Variants in SPINK5 observed in about 807,000 individuals in gnomAD.
The protein encoded by SPINK5 is serine peptidase inhibitor Kazal type 5.
SPINK5 carries 125 observed loss-of-function variants against 151.8 expected under a neutral mutation model. That is an observed-to-expected ratio of 0.82 (90% CI 0.71 to 0.96). The LOEUF (loss-of-function observed/expected upper bound fraction) is 0.96, where lower values mean the gene tolerates loss of function less well. SPINK5 is among the 40% of genes least tolerant of loss of function. The pLI, the probability that SPINK5 is intolerant of heterozygous loss-of-function variation, is 0.00. For missense variants in SPINK5, 1,194 were observed against 1,291.9 expected, an observed-to-expected ratio of 0.92 and a Z score of 1.16; for synonymous variants, 374 against 395.3, an observed-to-expected ratio of 0.95 and a Z score of 0.64.
intron 15 of SPINK5, among the ~76,000 whole-genome samples, chr5:148,103,002 C>T (rs184464062): frequency 7.9e-5 from 12 of 152,052 alleles, no homozygotes; most frequent in Middle Eastern, 3.4e-3. Context: ...ACTAAAAAAA[C>T]CCCCATTTTA....
intron 4 of SPINK5, among the ~76,000 whole-genome samples, chr5:148,075,113 T>C (rs1282699222): frequency 6.6e-6 from 1 of 151,556 alleles, no homozygotes; most frequent in African/African-American, 2.4e-5. Context: ...CAGACTTCAA[T>C]AGTTAAACAC....
chr5:148,120,378 G>A lies in SPINK5; in HGVS notation c.2525G>A (p.Ser842Asn). 6.3e-7 allele frequency: 1 copy of A among 1,599,464 alleles called. No homozygotes were observed. The highest frequency in any genetic ancestry group is 8.5e-7 in the Non-Finnish European group (1 of 1,171,846). The change falls in exon 26 of 33, where the codon AGC becomes AAC. Residue 842 changes from serine (S) to asparagine (N), a missense_variant. Coordinates refer to ENST00000256084, the MANE Select transcript of SPINK5 (RefSeq NM_006846.4). ...GAAAGGAGCAATACAGGAGAAAGGA[G>A]CAATGACAAAGAGGTAATAGATGTT... ...TGERSNTGER[S>N]NDKEDLCREF... is the part of the protein sequence containing the mutation.
Position 148,099,300 on chromosome 5 carries a change from A to G in SPINK5, c.1077A>G (p.Lys359=). 6.2e-7 allele frequency: 1 copy of G among 1,612,466 alleles called. No homozygotes were observed. The highest frequency in any genetic ancestry group is 2.2e-5 in the East Asian group (1 of 44,750). Residue 359 remains lysine, a synonymous_variant, in exon 12 of 33, where the codon AAA becomes AAG. Coordinates refer to ENST00000256084, the MANE Select transcript of SPINK5 (RefSeq NM_006846.4). ...CTAGAAACAAAAGAGAATCTGGAAA[A>G]GCAACCTCATATGCAGTGAGTGGAA... The part of the protein sequence containing the change: ...ARARNKRESG[K]ATSYAELCSE...
At chr5:148,102,433 A>G (rs1753672178) in intron 15 of SPINK5, among the ~76,000 whole-genome samples, 1 of 152,262 alleles carries the variant, frequency 6.6e-6, no homozygotes, top group East Asian at 1.9e-4. Flanking sequence ...CAACTATGTA[A>G]ATTGCTTGAT....
intron 17 of SPINK5, 149 bp from the exon 18 acceptor site, chr5:148,108,603 GT>G (rs1429427078): frequency 8.9e-7 from 1 of 1,122,320 alleles, no homozygotes; most frequent in African/African-American, 1.6e-5. Flanking sequence ...TGTACTATTG[GT>G]TAAAGCAAAA....
In SPINK5 at chr5:148,136,998, G is replaced by C; in HGVS notation, c.*7G>C. Reference sequence around the variant, plus strand: ...TCTCTTCTAGGACGAATGACAGGAAGATTGTTGAAAGCCATGAGGGAAAAA... The same window carrying C: ...TCTCTTCTAGGACGAATGACAGGAACATTGTTGAAAGCCATGAGGGAAAAA... On this transcript the variant is annotated 3_prime_UTR_variant, in exon 33 of 33. Coordinates refer to ENST00000256084, the MANE Select transcript of SPINK5 (RefSeq NM_006846.4). 1 of 1,613,660 alleles carries C rather than the reference G, an allele frequency of 6.2e-7. No homozygotes were observed.
At chr5:148,088,811 C>T (rs1307818876) in intron 6 of SPINK5, among the ~76,000 whole-genome samples, 3 of 146,908 alleles carry the variant, frequency 2.0e-5, no homozygotes, top group Non-Finnish European at 4.5e-5. Flanking sequence ...GTGGTTAGAT[C>T]TTTCAATCTA....
In SPINK5 at chr5:148,088,581, A is replaced by G. The variant is rs531000352; in HGVS notation, c.450A>G (p.Glu150=). The G allele has an allele frequency of 1.3e-5, 21 of 1,611,586 alleles. No homozygotes were observed. The highest frequency in any genetic ancestry group is 3.3e-5 in the Admixed American group (2 of 59,764). The change falls in exon 6 of 33, where the codon GAA becomes GAG. Residue 150 remains glutamate, a synonymous_variant. Coordinates refer to ENST00000256084, the MANE Select transcript of SPINK5 (RefSeq NM_006846.4). ...AAATTGGTGTAAAAAGTGAAGGGGA[A>G]TGTAAGAGCAGTAATCCAGAGCAGG... ...GSQIGVKSEG[E]CKSSNPEQDV... is the part of the protein sequence containing the mutation.
Position 148,112,861 on chromosome 5 carries a change from C to T in SPINK5, c.1821-7C>T. ...GAATGATTGTTTTGTCCTCCCTTTT[C>T]TTATAGCCAGCAAGAAGCAAAAGAA... On this transcript the variant is annotated splice_polypyrimidine_tract_variant and splice_region_variant and intron_variant, in intron 19 of 32. Transcript: ENST00000256084. 6.2e-7 allele frequency: 1 copy of T among 1,613,738 alleles called. No individual in the cohort carries two copies. Among genetic ancestry groups the T allele is most frequent in the Non-Finnish European group, 8.5e-7 (1 of 1,179,848 alleles).
At position 148,137,174 on chromosome 5, in the gene SPINK5, C is replaced by T. The variant is rs1389533908; in HGVS notation, c.*183C>T. On this transcript the variant is annotated 3_prime_UTR_variant, in exon 33 of 33. Transcript: ENST00000256084. ...TTTTCCATCTCTTTCCTCCTAGACT[C>T]TGTGATCTGAGGGTATAAAGACATC... The T allele has an allele frequency of 3.4e-5, 26 of 756,664 alleles. No individual in the cohort carries two copies. The highest frequency in any genetic ancestry group is 5.7e-5 in the Non-Finnish European group (26 of 452,916). 46.9% of individuals were successfully genotyped at this position (756,664 alleles called of 1,614,324 possible). A position where few individuals can be genotyped will look rare whatever the true frequency, so the allele number is the denominator to read the frequency against.
At chr5:148,126,845 G>A (rs1754443680) in intron 29 of SPINK5, 138 bp from the exon 30 acceptor site, 3 of 653,448 alleles carry the variant, frequency 4.6e-6, no homozygotes, top group Admixed American at 2.9e-5. Context: ...GCCAGCCTGG[G>A]CCTTCCAAAA....
At chr5:148,126,307 A>AATGATG (rs10653454) in intron 29 of SPINK5, among the ~76,000 whole-genome samples, 294 of 150,690 alleles carry the variant, frequency 2.0e-3, no homozygotes, top group African/African-American at 5.4e-3. Context: ...GGACATTATA[A>AATGATG]ATGATGATGA....
chr5:148,104,764 CATGT>C (rs1753735809), intron 15 of SPINK5, among the ~76,000 whole-genome samples, 184 bp from the exon 16 acceptor site: 1 of 152,032 alleles, frequency 6.6e-6, no homozygotes, highest in Non-Finnish European at 1.5e-5. Context: ...AGTGTGGTGG[CATGT>C]GCCTGTAATC....
chr5:148,074,461 T>C (rs1297604484), intron 4 of SPINK5, among the ~76,000 whole-genome samples: 1 of 151,800 alleles, frequency 6.6e-6, no homozygotes, highest in Admixed American at 6.6e-5. Flanking sequence ...TTTATCATGA[T>C]TTAGGTTGCC....
intron 2 of SPINK5, among the ~76,000 whole-genome samples, chr5:148,067,980 C>T (rs1423003): frequency 0.7 from 106,571 of 152,020 alleles, 37,826 homozygotes; most frequent in East Asian, 0.91. Context: ...TATCATGAGT[C>T]GTCTATATAC....
intron 4 of SPINK5, among the ~76,000 whole-genome samples, chr5:148,082,028 T>G (rs772722473): frequency 6.6e-6 from 1 of 151,720 alleles, no homozygotes; most frequent in African/African-American, 2.4e-5. Context: ...TTGGTTTTTG[T>G]AATGTATTAG....
intron 4 of SPINK5, among the ~76,000 whole-genome samples, chr5:148,084,840 A>C (rs2113043556): frequency 6.6e-6 from 1 of 151,926 alleles, no homozygotes; most frequent in South Asian, 2.1e-4. Flanking sequence ...ACTATATCTA[A>C]AATAGTCCCC....
At chr5:148,113,118 A>G (rs954034634) in intron 20 of SPINK5, among the ~76,000 whole-genome samples, 184 bp downstream of exon 20, 1 of 152,150 alleles carries the variant, frequency 6.6e-6, no homozygotes, top group African/African-American at 2.4e-5. Flanking sequence ...TGGCCATAGA[A>G]TCTCTGTCAC....
Position 148,100,359 on chromosome 5 carries a change from G to C in SPINK5, c.1093-95G>C, listed in dbSNP as rs1581080509. The C allele has an allele frequency of 7.6e-6, 10 of 1,309,412 alleles. No homozygotes were observed. In the East Asian group the frequency reaches 1.4e-4, roughly 19 times the overall value. 81.1% of individuals were successfully genotyped at this position (1,309,412 alleles called of 1,614,324 possible). A position where few individuals can be genotyped will look rare whatever the true frequency, so the allele number is the denominator to read the frequency against. On this transcript the variant is annotated intron_variant, in intron 12 of 32. Coordinates refer to ENST00000256084, the MANE Select transcript of SPINK5 (RefSeq NM_006846.4). Reference sequence around the variant, plus strand: ...ACAATTAAAATCCTCAGCTCAAAGAGATGTAACATTAGTTTCTGCCAATGT... The same window carrying C: ...ACAATTAAAATCCTCAGCTCAAAGACATGTAACATTAGTTTCTGCCAATGT...
Sources: gnomAD v4.1 joint callset for allele counts (sites outside exome capture counted in the v4.1 genomes callset) on GRCh38, gnomAD v4.1.1 for gene constraint, MANE v1.5 for transcripts, NCBI Gene and HGNC (gene_info 2026-07-23, HGNC 2026-07-21) for gene names.